The following NAV2 variants were observed in gnomAD, a reference collection of about 807,000 sequenced individuals.
NAV2 encodes helicase, APC down-regulated 1.
A neutral mutation model predicts 223.2 loss-of-function variants in NAV2; 54 were observed. The ratio of observed to expected loss-of-function variants is 0.24; its 90% confidence interval spans 0.19 to 0.30. NAV2 has a LOEUF of 0.30. Ranked by LOEUF, NAV2 falls within the 10% of genes least tolerant of loss-of-function variation. The pLI is 1.00. For synonymous variants in NAV2, 1,279 were observed against 1,239.3 expected, an observed-to-expected ratio of 1.03 and a Z score of -0.67; for missense variants, 2,806 against 3,147.5, an observed-to-expected ratio of 0.89 and a Z score of 2.60.
chr11:19,649,578 T>G (rs2047908192), intron 1 of NAV2, among the ~76,000 whole-genome samples: 1 of 152,208 alleles, frequency 6.6e-6, no homozygotes, highest in Non-Finnish European at 1.5e-5. Flanking sequence ...GGGGTCTCTC[T>G]GGGGCCTCTT....
At chr11:19,751,461 C>G (rs80082352) in intron 1 of NAV2, among the ~76,000 whole-genome samples, 208 of 152,270 alleles carry the variant, frequency 1.4e-3, no homozygotes, top group Non-Finnish European at 2.4e-3. Context: ...AGGATGCCCC[C>G]AGAAGTTTTC....
chr11:20,053,218 G>GAAAAAAAAAAAAAA (rs60421659), intron 17 of NAV2, among the ~76,000 whole-genome samples: 2 of 40,972 alleles, frequency 4.9e-5, no homozygotes, highest in South Asian at 2.0e-3. Flanking sequence ...ACTACGTCTC[G>GAAAAAAAAAAAAAA]AAAAAAAAAA....
intron 6 of NAV2, among the ~76,000 whole-genome samples, chr11:19,918,344 A>T (rs911634533): frequency 1.3e-5 from 2 of 152,218 alleles, no homozygotes; most frequent in African/African-American, 4.8e-5. Flanking sequence ...AGTCAGTTTG[A>T]TATTATCTGA....
chr11:20,114,510 A>AG, intron 36 of NAV2, 82 bp from the exon 37 acceptor site: 1 of 1,272,626 alleles, frequency 7.9e-7, no homozygotes, highest in Non-Finnish European at 1.1e-6. Context: ...GGATTTGGGG[A>AG]GTTTTTCAGA....
chr11:19,902,233 C>A (rs886936331), intron 6 of NAV2, among the ~76,000 whole-genome samples: 2 of 152,212 alleles, frequency 1.3e-5, no homozygotes, highest in Non-Finnish European at 2.9e-5. Context: ...CCAGTGCAGT[C>A]TTTTGCCCCC....
intron 37 of NAV2, among the ~76,000 whole-genome samples, chr11:20,116,811 C>T (rs2063136192): frequency 6.6e-6 from 1 of 152,222 alleles, no homozygotes; most frequent in Non-Finnish European, 1.5e-5. Flanking sequence ...GGCCATATGT[C>T]TCTATTATCA....
At chr11:19,810,893 T>C (rs2058803618) in intron 1 of NAV2, among the ~76,000 whole-genome samples, 1 of 152,258 alleles carries the variant, frequency 6.6e-6, no homozygotes, top group South Asian at 2.1e-4. Flanking sequence ...CGTTTCCCTT[T>C]GGCATCTTTT....
At chr11:19,778,050 A>G (rs553171726) in intron 1 of NAV2, 3 of 449,814 alleles carry the variant, frequency 6.7e-6, no homozygotes, top group South Asian at 4.7e-5. Flanking sequence ...CAAGCTTGCA[A>G]AGAACCATCC....
intron 1 of NAV2, among the ~76,000 whole-genome samples, chr11:19,599,674 G>C (rs919320260): frequency 5.9e-5 from 9 of 152,186 alleles, no homozygotes; most frequent in Non-Finnish European, 1.2e-4. Context: ...TTCAAGGAAT[G>C]CTTCTGTAAT....
chr11:19,500,786 G>A (rs1425771083), intron 1 of NAV2, among the ~76,000 whole-genome samples: 2 of 152,148 alleles, frequency 1.3e-5, no homozygotes, highest in Non-Finnish European at 2.9e-5. Flanking sequence ...TAGTTCTGAT[G>A]GGTAAGGTTG....
chr11:19,975,169 C>T (rs1369323285), intron 10 of NAV2, among the ~76,000 whole-genome samples: 1 of 152,236 alleles, frequency 6.6e-6, no homozygotes, highest in African/African-American at 2.4e-5. Context: ...TGCAATTCCA[C>T]ACTGACAGTT....
intron 1 of NAV2, among the ~76,000 whole-genome samples, chr11:19,564,273 T>C (rs2045195638): frequency 6.6e-6 from 1 of 152,216 alleles, no homozygotes; most frequent in Non-Finnish European, 1.5e-5. Flanking sequence ...GGGAATGGGC[T>C]GAGGCTGGGA....
chr11:19,837,802 T>C (rs943239926), intron 2 of NAV2, among the ~76,000 whole-genome samples: 1 of 152,240 alleles, frequency 6.6e-6, no homozygotes, highest in African/African-American at 2.4e-5. Flanking sequence ...GATCCTGAAC[T>C]GCATCCTGTG....
chr11:20,095,821 C>A, intron 30 of NAV2, 54 bp downstream of exon 30: 1 of 1,331,694 alleles, frequency 7.5e-7, no homozygotes, highest in Non-Finnish European at 1.1e-6. Flanking sequence ...GGCATCCGGG[C>A]CTGGGGAGGA....
At chr11:19,674,989 C>T (rs1187819429) in intron 1 of NAV2, among the ~76,000 whole-genome samples, 1 of 152,148 alleles carries the variant, frequency 6.6e-6, no homozygotes, top group African/African-American at 2.4e-5. Flanking sequence ...CAGTAAGGTG[C>T]CTAGCAGAGA....
At chr11:19,887,550 T>C (rs2041119454) in intron 5 of NAV2, among the ~76,000 whole-genome samples, 1 of 152,198 alleles carries the variant, frequency 6.6e-6, no homozygotes, top group Non-Finnish European at 1.5e-5. Flanking sequence ...AAAAAAGTCA[T>C]TTAATGAATA....
At chr11:19,356,463 C>T (rs1217626577) in intron 1 of NAV2, among the ~76,000 whole-genome samples, 1 of 152,150 alleles carries the variant, frequency 6.6e-6, no homozygotes, top group Non-Finnish European at 1.5e-5. Flanking sequence ...ATATTGTCTC[C>T]TGTTTCTGGG....
intron 11 of NAV2, among the ~76,000 whole-genome samples, chr11:20,032,711 C>T (rs937293813): frequency 9.8e-5 from 15 of 152,318 alleles, no homozygotes; most frequent in African/African-American, 3.4e-4. Flanking sequence ...GGTTACCAGC[C>T]TAGGTGAAAC....
intron 1 of NAV2, among the ~76,000 whole-genome samples, chr11:19,814,965 A>T (rs928773173): frequency 2.6e-5 from 4 of 152,150 alleles, no homozygotes; most frequent in African/African-American, 9.7e-5. Flanking sequence ...TCTAGGAAAG[A>T]GTGTGCTTCT....
Sources: allele counts gnomAD v4.1 joint callset (sites outside exome capture counted in the v4.1 genomes callset), GRCh38; gene constraint gnomAD v4.1.1; transcripts MANE v1.5; gene names NCBI Gene and HGNC (gene_info 2026-07-23, HGNC 2026-07-21).